LTBP1: variants seen among roughly 807,000 people sequenced by gnomAD.
The protein encoded by LTBP1 is latent-transforming growth factor beta-binding protein 1.
In LTBP1, 129 loss-of-function variants were observed where a neutral mutation model predicts 207.6. That is an observed-to-expected ratio of 0.62 (90% CI 0.54 to 0.72). LTBP1 has a LOEUF of 0.72. Ranked by LOEUF, LTBP1 falls within the 30% of genes least tolerant of loss-of-function variation. LTBP1 has a pLI of 0.00. For missense variants in LTBP1, 2,281 were observed against 2,217.2 expected, an observed-to-expected ratio of 1.03 and a Z score of -0.58; for synonymous variants, 963 against 833.7, an observed-to-expected ratio of 1.16 and a Z score of -2.67.
chr2:33,287,093 T>G (rs1042782833), intron 19 of LTBP1, among the ~76,000 whole-genome samples: 1 of 149,744 alleles, frequency 6.7e-6, no homozygotes, highest in African/African-American at 2.5e-5. Flanking sequence ...AAAAATAAAA[T>G]AAAAACAACA....
chr2:32,949,894 A>G (rs145727260), intron 2 of LTBP1, among the ~76,000 whole-genome samples: 183 of 152,360 alleles, frequency 1.2e-3, no homozygotes, highest in African/African-American at 4.3e-3. Flanking sequence ...GTTTTGGCAT[A>G]ATGGCCTTAC....
chr2:33,153,794 C>T (rs1558716845), intron 5 of LTBP1, among the ~76,000 whole-genome samples: 4 of 152,206 alleles, frequency 2.6e-5, no homozygotes, highest in African/African-American at 9.7e-5. Context: ...AAAGGCCAGA[C>T]ATGTGAGCAT....
chr2:33,191,729 A>C (rs1486335051), intron 7 of LTBP1, among the ~76,000 whole-genome samples: 1 of 152,204 alleles, frequency 6.6e-6, no homozygotes, highest in Non-Finnish European at 1.5e-5. Flanking sequence ...CCAAAACAAA[A>C]ACAAAACCCT....
At chr2:33,131,076 C>G (rs1488094511) in intron 4 of LTBP1, among the ~76,000 whole-genome samples, 1 of 152,088 alleles carries the variant, frequency 6.6e-6, no homozygotes, top group South Asian at 2.1e-4. Flanking sequence ...GCAGCAGGAC[C>G]TTAGACCAAA....
chr2:32,963,315 G>C (rs899980226), intron 2 of LTBP1, among the ~76,000 whole-genome samples: 4 of 151,914 alleles, frequency 2.6e-5, no homozygotes, highest in Admixed American at 2.0e-4. Flanking sequence ...AGTGATCCTC[G>C]TGCCTCAGCC....
intron 3 of LTBP1, among the ~76,000 whole-genome samples, chr2:33,108,554 G>A (rs2080201616): frequency 6.6e-6 from 1 of 151,958 alleles, no homozygotes; most frequent in East Asian, 1.9e-4. Context: ...TCAATTCAGA[G>A]GGGGGACAAG....
intron 5 of LTBP1, among the ~76,000 whole-genome samples, chr2:33,171,665 A>T (rs1397802082): frequency 1.3e-5 from 2 of 152,002 alleles, no homozygotes; most frequent in African/African-American, 4.8e-5. Context: ...AACGCCACAA[A>T]GATACTCCTT....
chr2:32,982,921 G>A (rs376584586), intron 2 of LTBP1, among the ~76,000 whole-genome samples: 2 of 152,206 alleles, frequency 1.3e-5, no homozygotes, highest in Admixed American at 6.5e-5. Flanking sequence ...AGGGAAATGT[G>A]GGGTTGGAGC....
intron 7 of LTBP1, among the ~76,000 whole-genome samples, chr2:33,204,989 G>A (rs2089719468): frequency 6.6e-6 from 1 of 152,132 alleles, no homozygotes; most frequent in South Asian, 2.1e-4. Flanking sequence ...TAATTGGATT[G>A]GCTAAGGAGA....
chr2:33,315,042 T>C (rs2094246413), intron 23 of LTBP1, 102 bp from the exon 24 acceptor site: 3 of 907,764 alleles, frequency 3.3e-6, no homozygotes, highest in Admixed American at 3.0e-5. Flanking sequence ...ACTAAATAAA[T>C]GTCCAGCCAT....
chr2:33,011,231 A>C (rs1687634683), intron 2 of LTBP1, among the ~76,000 whole-genome samples: 4 of 152,032 alleles, frequency 2.6e-5, no homozygotes, highest in Admixed American at 2.6e-4. Context: ...GGCATGTAGG[A>C]GTGGGCTTGT....
chr2:33,369,229 T>A (rs1318979489), intron 31 of LTBP1, among the ~76,000 whole-genome samples: 1 of 152,206 alleles, frequency 6.6e-6, no homozygotes, highest in African/African-American at 2.4e-5. Flanking sequence ...ATTGCTATAC[T>A]GTTTCTAGTT....
At chr2:33,357,294 A>G (rs1422437286) in intron 26 of LTBP1, among the ~76,000 whole-genome samples, 1 of 152,198 alleles carries the variant, frequency 6.6e-6, no homozygotes, top group Non-Finnish European at 1.5e-5. Flanking sequence ...ATTCAGAGCC[A>G]GGGGACATGA....
chr2:33,093,688 G>T (rs1466783029), intron 3 of LTBP1, among the ~76,000 whole-genome samples: 1 of 151,844 alleles, frequency 6.6e-6, no homozygotes, highest in Non-Finnish European at 1.5e-5. Context: ...TTGTTCTTTG[G>T]TTTAAAAATA....
intron 31 of LTBP1, among the ~76,000 whole-genome samples, chr2:33,388,416 A>G (rs2095286184): frequency 1.3e-5 from 2 of 152,340 alleles, no homozygotes; most frequent in East Asian, 1.9e-4. Flanking sequence ...TCTGACTTCA[A>G]ATCAGGTTCT....
At chr2:32,996,411 G>A (rs534401437) in intron 2 of LTBP1, among the ~76,000 whole-genome samples, 86 of 152,218 alleles carry the variant, frequency 5.6e-4, no homozygotes, top group Middle Eastern at 6.8e-3. Context: ...TAATATTGTC[G>A]TATTGGGGGT....
chr2:33,243,608 A>C, intron 9 of LTBP1, 54 bp from the exon 10 acceptor site: 1 of 1,587,166 alleles, frequency 6.3e-7, no homozygotes, highest in Non-Finnish European at 8.6e-7. Context: ...GTATAGCCAG[A>C]ATCTGCTCAA....
chr2:33,370,500 C>T (rs1465948439), intron 31 of LTBP1, among the ~76,000 whole-genome samples: 1 of 152,180 alleles, frequency 6.6e-6, no homozygotes, highest in African/African-American at 2.4e-5. Flanking sequence ...GCTGCTGCTG[C>T]TGCTTCCTCT....
rs1291752037 is a variant in LTBP1, at chr2:33,021,586, G to A, written c.863+380G>A. On this transcript the variant is annotated intron_variant, in intron 3 of 33. Coordinates refer to ENST00000404816, the MANE Select transcript of LTBP1 (RefSeq NM_206943.4). ...ATAATAATTTAAAAAAAGAAACAGT[G>A]TTATTTTTAAAGTTATCTGGAAAAG... is the stretch of plus-strand genomic sequence containing the variant. 3.3e-5 allele frequency among the ~76,000 whole-genome samples: 5 copies of A among 152,146 alleles called. No individual in the cohort carries two copies. The East Asian group carries it at 9.6e-4, about 29-fold the overall frequency.
Sources: allele counts gnomAD v4.1 joint callset (sites outside exome capture counted in the v4.1 genomes callset), GRCh38; gene constraint gnomAD v4.1.1; transcripts MANE v1.5; gene names NCBI Gene and HGNC (gene_info 2026-07-23, HGNC 2026-07-21).